AR: variants seen among roughly 807,000 people sequenced by gnomAD.
The protein encoded by AR is dihydrotestosterone receptor.
AR carries 8 observed loss-of-function variants against 53.9 expected under a neutral mutation model. The observed-to-expected ratio is 0.15, with a 90% CI of 0.09 to 0.27. AR has a LOEUF of 0.27. AR is among the 10% of genes least tolerant of loss of function. The probability of loss-of-function intolerance (pLI) is 1.00; values close to 1 mark genes in which losing one functional copy is unlikely to be tolerated. For missense variants in AR, 639 were observed against 742.5 expected (o/e 0.86, Z 1.62); for synonymous variants, 359 against 316.4 (o/e 1.13, Z -1.43).
chrX:67,612,242 G>C (rs1295545187), intron 1 of AR, among the ~76,000 whole-genome samples: 3 of 112,268 alleles, frequency 2.7e-5, no homozygotes, highest in African/African-American at 9.7e-5. Flanking sequence ...TTCTTTCTCT[G>C]CTTTGGCAAA....
intron 2 of AR, among the ~76,000 whole-genome samples, chrX:67,662,131 T>C (rs1926959004): frequency 8.9e-6 from 1 of 111,788 alleles, no homozygotes; most frequent in African/African-American, 3.3e-5. Context: ...GTTGATCTTT[T>C]CAAAAAACCA....
At chrX:67,683,118 A>G (rs763991088) in intron 2 of AR, among the ~76,000 whole-genome samples, 4 of 111,920 alleles carry the variant, frequency 3.6e-5, no homozygotes, top group Non-Finnish European at 5.6e-5. Context: ...GTCACACTCA[A>G]ACACCTATGC....
At chrX:67,558,091 A>G (rs1921135599) in intron 1 of AR, among the ~76,000 whole-genome samples, 1 of 111,929 alleles carries the variant, frequency 8.9e-6, no homozygotes, top group South Asian at 3.8e-4. Context: ...AGGCACCAAG[A>G]TGGAAAGGGA....
intron 1 of AR, among the ~76,000 whole-genome samples, chrX:67,594,342 A>C (rs1922982287): frequency 8.9e-6 from 1 of 112,013 alleles, no homozygotes; most frequent in Non-Finnish European, 1.9e-5. Context: ...TTATAATATA[A>C]TAGATAAATT....
At chrX:67,623,285 G>T (rs527672705) in intron 1 of AR, among the ~76,000 whole-genome samples, 1 of 111,057 alleles carries the variant, frequency 9.0e-6, no homozygotes, top group South Asian at 3.7e-4. Flanking sequence ...AATCTGAGAA[G>T]AATGTATTCA....
At chrX:67,557,976 A>G (rs888467352) in intron 1 of AR, among the ~76,000 whole-genome samples, 2 of 112,141 alleles carry the variant, frequency 1.8e-5, no homozygotes, top group South Asian at 3.7e-4. Flanking sequence ...GCTAGAATCT[A>G]CAGAGGACCT....
intron 1 of AR, among the ~76,000 whole-genome samples, chrX:67,568,331 T>C (rs947458341): frequency 9.0e-6 from 1 of 111,722 alleles, no homozygotes; most frequent in African/African-American, 3.3e-5. Context: ...TAGAGAGAAT[T>C]CTAGAGGTCA....
intron 3 of AR, among the ~76,000 whole-genome samples, chrX:67,707,931 G>A (rs1000309845): frequency 4.5e-5 from 5 of 111,672 alleles, no homozygotes; most frequent in African/African-American, 6.5e-5. Flanking sequence ...TGAAATTCTG[G>A]GTTGAAAATT....
At chrX:67,598,071 A>G (rs897638500) in intron 1 of AR, among the ~76,000 whole-genome samples, 5 of 111,349 alleles carry the variant, frequency 4.5e-5, no homozygotes, top group African/African-American at 6.5e-5. Context: ...TGAAATGAGT[A>G]TAATACCTGT....
chrX:67,662,073 C>A (rs1926954699), intron 2 of AR, among the ~76,000 whole-genome samples: 1 of 111,050 alleles, frequency 9.0e-6, no homozygotes, highest in African/African-American at 3.3e-5. Context: ...CTATTTGATT[C>A]TTCTCCCTTT....
At chrX:67,557,410 T>C (rs978192994) in intron 1 of AR, among the ~76,000 whole-genome samples, 7 of 112,286 alleles carry the variant, frequency 6.2e-5, no homozygotes, top group African/African-American at 2.3e-4. Flanking sequence ...GTAGAGCAGG[T>C]GCATGGGCAG....
intron 1 of AR, among the ~76,000 whole-genome samples, chrX:67,604,585 T>C (rs758531318): frequency 1.8e-5 from 2 of 111,222 alleles, no homozygotes; most frequent in East Asian, 2.8e-4. Context: ...TAACATGCGA[T>C]CACAGGACTG....
intron 1 of AR, among the ~76,000 whole-genome samples, chrX:67,633,962 T>C (rs1925297060): frequency 9.1e-6 from 1 of 110,051 alleles, no homozygotes; most frequent in Non-Finnish European, 1.9e-5. Context: ...TGGAGTGATA[T>C]AATTGCTCTA....
chrX:67,669,847 A>T (rs2075852257), intron 2 of AR, among the ~76,000 whole-genome samples: 1 of 109,425 alleles, frequency 9.1e-6, no homozygotes, highest in Admixed American at 9.9e-5. Context: ...ATTTTGTCGG[A>T]TATTAGTATT....
intron 2 of AR, among the ~76,000 whole-genome samples, chrX:67,666,810 G>A: frequency 8.9e-6 from 1 of 111,842 alleles, no homozygotes; most frequent in East Asian, 2.8e-4. Context: ...CTGATGATCA[G>A]TGAGGTTGAG....
At chrX:67,628,464 T>C (rs1375971748) in intron 1 of AR, among the ~76,000 whole-genome samples, 1 of 107,789 alleles carries the variant, frequency 9.3e-6, no homozygotes, top group Non-Finnish European at 1.9e-5. Context: ...ATAAGAATGC[T>C]GTGATTTTTG....
intron 4 of AR, among the ~76,000 whole-genome samples, chrX:67,715,320 A>C (rs2076108764): frequency 9.0e-6 from 1 of 110,556 alleles, no homozygotes; most frequent in African/African-American, 3.3e-5. Flanking sequence ...AGCAGGAACT[A>C]CTCTGGGATC....
chrX:67,574,874 G>A (rs746646587), intron 1 of AR, among the ~76,000 whole-genome samples: 1 of 111,477 alleles, frequency 9.0e-6, no homozygotes, highest in Non-Finnish European at 1.9e-5. Context: ...TTCTCAATAT[G>A]AGGTTGAAAC....
chrX:67,544,228 G>T lies in AR; in HGVS notation c.-919G>T, dbSNP rs780827463. On this transcript the variant is annotated 5_prime_UTR_variant, in exon 1 of 8. Coordinates refer to ENST00000374690, the MANE Select transcript of AR (RefSeq NM_000044.6). The stretch of plus-strand genomic sequence containing the variant: ...CTTGCAGCGCGGCGGCTTCGAAGCC[G>T]CCGCCCGGAGCTGCCCTTTCCTCTT... The T allele has an allele frequency of 1.6e-5, 2 of 125,707 alleles. No homozygotes were observed. The highest frequency in any genetic ancestry group is 3.3e-5 in the Non-Finnish European group (2 of 61,173). The allele number at this position is 125,707 out of a possible 1,213,427, so 10.4% of individuals were successfully genotyped here.
Sources: allele counts gnomAD v4.1 joint callset (sites outside exome capture counted in the v4.1 genomes callset), GRCh38; gene constraint gnomAD v4.1.1; transcripts MANE v1.5; gene names NCBI Gene and HGNC (gene_info 2026-07-23, HGNC 2026-07-21).